The following LRP1B variants were observed in gnomAD, a reference collection of about 807,000 sequenced individuals.
LRP1B encodes the protein low-density lipoprotein receptor-related protein 1B.
Under a neutral mutation model 556.6 loss-of-function variants are expected in LRP1B, and 217 were observed. The ratio of observed to expected loss-of-function variants is 0.39; its 90% CI spans 0.35 to 0.44. The LOEUF is 0.44. Among genes scored for constraint, LRP1B ranks in the 20% least tolerant of loss-of-function variants. LRP1B has a pLI of 1.00. For missense variants in LRP1B, 5,053 were observed against 5,620.8 expected (o/e 0.90, Z 3.23); for synonymous variants, 2,047 against 1,865.8 (o/e 1.10, Z -2.50).
intron 2 of LRP1B, among the ~76,000 whole-genome samples, chr2:141,497,668 A>G (rs1334408547): frequency 1.3e-5 from 2 of 152,058 alleles, no homozygotes; most frequent in Non-Finnish European, 2.9e-5. Context: ...TTGAAAAGCT[A>G]TAAAAATGCT....
At chr2:141,506,268 A>G (rs566756133) in intron 2 of LRP1B, among the ~76,000 whole-genome samples, 4 of 152,146 alleles carry the variant, frequency 2.6e-5, no homozygotes, top group Non-Finnish European at 5.9e-5. Context: ...ATCATTAGTT[A>G]TAAGAAGTCT....
At chr2:141,826,948 T>G (rs1257956291) in intron 1 of LRP1B, among the ~76,000 whole-genome samples, 2 of 152,226 alleles carry the variant, frequency 1.3e-5, no homozygotes, top group African/African-American at 4.8e-5. Context: ...TCTGTCAACC[T>G]GAAACATTTT....
At chr2:141,385,182 T>C (rs1026405216) in intron 3 of LRP1B, among the ~76,000 whole-genome samples, 13 of 152,296 alleles carry the variant, frequency 8.5e-5, no homozygotes, top group African/African-American at 2.9e-4. Flanking sequence ...AAGCCCAATG[T>C]TAACCACTAA....
At chr2:141,387,345 A>G (rs1341247932) in intron 3 of LRP1B, among the ~76,000 whole-genome samples, 5 of 152,068 alleles carry the variant, frequency 3.3e-5, no homozygotes, top group Admixed American at 2.0e-4. Flanking sequence ...CAGATAAATG[A>G]CAGAACATAT....
At chr2:141,144,197 A>G (rs1043799548) in intron 7 of LRP1B, among the ~76,000 whole-genome samples, 1 of 152,224 alleles carries the variant, frequency 6.6e-6, no homozygotes, top group Admixed American at 6.5e-5. Context: ...TAGAGTTAAT[A>G]GTATTTTAGA....
At chr2:141,364,091 C>T (rs975166346) in intron 3 of LRP1B, among the ~76,000 whole-genome samples, 17 of 152,238 alleles carry the variant, frequency 1.1e-4, no homozygotes, top group African/African-American at 4.1e-4. Context: ...GGCAAGTACT[C>T]TTCTGTATGT....
chr2:141,410,785 C>T (rs548903689), intron 3 of LRP1B, among the ~76,000 whole-genome samples: 3 of 152,010 alleles, frequency 2.0e-5, no homozygotes, highest in African/African-American at 7.2e-5. Flanking sequence ...ACATTTTGGC[C>T]TCTATTTCTC....
At position 141,049,198 on chromosome 2, in the gene LRP1B, A is replaced by G; in HGVS notation, c.1577T>C (p.Phe526Ser). 1 of 1,612,822 alleles carries G rather than the reference A, an allele frequency of 6.2e-7. No individual in the cohort carries two copies. Among genetic ancestry groups the G allele is most frequent in the Non-Finnish European group, 8.5e-7 (1 of 1,179,056 alleles). Residue 526 changes from phenylalanine (F) to serine (S), a missense_variant, in exon 11 of 91, where the codon TTT becomes TCT. By Grantham distance (155) the Phe-to-Ser change is radical (BLOSUM62 -2). Around this residue, in one of 5 missense-constraint regions of LRP1B, gnomAD observed 3,619 missense variants for 3,931.9 expected, o/e 0.92. Coordinates refer to ENST00000389484, the MANE Select transcript of LRP1B (RefSeq NM_018557.3). ...AATTCCTGGGCGTCCTTTCCCATAAAAGAGGAACAACTCATTCTTTGGTCC... is the reference window on the plus strand; with the variant it reads ...AATTCCTGGGCGTCCTTTCCCATAAGAGAGGAACAACTCATTCTTTGGTCC... Reference protein sequence around the residue: ...CKRPKNELFLFYGKGRPGIVR... With the variant: ...CKRPKNELFLSYGKGRPGIVR...
intron 3 of LRP1B, among the ~76,000 whole-genome samples, chr2:141,300,541 T>C (rs1686349876): frequency 6.6e-6 from 1 of 152,214 alleles, no homozygotes; most frequent in South Asian, 2.1e-4. Flanking sequence ...ATAGCCTCAA[T>C]GTTGAAGGTG....
At chr2:140,258,557 C>A (rs2104921437) in intron 86 of LRP1B, among the ~76,000 whole-genome samples, 1 of 152,192 alleles carries the variant, frequency 6.6e-6, no homozygotes, top group Admixed American at 6.5e-5. Context: ...CCTAGAAGTT[C>A]AAATTATAGC....
At chr2:141,907,415 A>T (rs536127852) in intron 1 of LRP1B, among the ~76,000 whole-genome samples, 43 of 152,128 alleles carry the variant, frequency 2.8e-4, no homozygotes, top group African/African-American at 9.6e-4. Context: ...TACAGTCATC[A>T]GATTTCTATA....
intron 41 of LRP1B, among the ~76,000 whole-genome samples, chr2:140,672,482 TAAAAAAAA>T (rs55884730): frequency 7.4e-5 from 6 of 81,580 alleles, no homozygotes; most frequent in Non-Finnish European, 1.1e-4. Context: ...AGACTCCATC[TAAAAAAAA>T]AAAAAAAAAA....
At chr2:140,571,520 G>C (rs1441743219) in intron 43 of LRP1B, among the ~76,000 whole-genome samples, 1 of 151,548 alleles carries the variant, frequency 6.6e-6, no homozygotes, top group Non-Finnish European at 1.5e-5. Flanking sequence ...AGGACACCAA[G>C]GTGGAAAGAC....
At chr2:141,218,812 T>C (rs769726372) in intron 6 of LRP1B, among the ~76,000 whole-genome samples, 1 of 152,076 alleles carries the variant, frequency 6.6e-6, no homozygotes, top group Non-Finnish European at 1.5e-5. Flanking sequence ...GATGGCCAGT[T>C]AGAAGCAGCT....
At chr2:140,778,281 G>A (rs918671769) in intron 32 of LRP1B, among the ~76,000 whole-genome samples, 2 of 152,078 alleles carry the variant, frequency 1.3e-5, no homozygotes, top group Admixed American at 6.6e-5. Context: ...GCTATTCAGA[G>A]TTCAATATTT....
intron 7 of LRP1B, among the ~76,000 whole-genome samples, chr2:141,161,008 G>T (rs1221033621): frequency 6.6e-6 from 1 of 152,040 alleles, no homozygotes; most frequent in African/African-American, 2.4e-5. Context: ...AGGGAAAGCA[G>T]AATGAGTGGT....
intron 17 of LRP1B, among the ~76,000 whole-genome samples, chr2:140,987,464 C>G (rs1452710504): frequency 6.6e-6 from 1 of 152,060 alleles, no homozygotes; most frequent in East Asian, 1.9e-4. Flanking sequence ...TTTATTTGCT[C>G]TTATACATAA....
rs1178469364 is a variant in LRP1B at position 140,483,640 on chromosome 2, A to ATTT, written c.9425+1700_9425+1702dup. ...CATATATATATATATATATATATAT[A>ATTT]TTTTTTTTTTTTTTTTTTGAGACAC... On this transcript the variant is annotated intron_variant, in intron 59 of 90. Coordinates refer to ENST00000389484, the MANE Select transcript of LRP1B (RefSeq NM_018557.3). 5.7e-3 allele frequency among the ~76,000 whole-genome samples: 405 copies of ATTT among 70,718 alleles called. 13 individuals are homozygous for ATTT. Among genetic ancestry groups the ATTT allele is most frequent in the African/African-American group, 0.024 (380 of 15,700 alleles). 46.4% of individuals were successfully genotyped at this position (70,718 alleles called of 152,430 possible).
intron 6 of LRP1B, among the ~76,000 whole-genome samples, chr2:141,213,687 G>A (rs1054295230): frequency 6.6e-6 from 1 of 152,178 alleles, no homozygotes; most frequent in Non-Finnish European, 1.5e-5. Context: ...CCTTCTGTTT[G>A]TGTATAACCT....
Sources: gnomAD v4.1 joint callset for allele counts (sites outside exome capture counted in the v4.1 genomes callset) on GRCh38, gnomAD v4.1.1 for gene constraint, gnomAD v4.1.1 regional missense constraint, MANE v1.5 for transcripts, NCBI Gene and HGNC (gene_info 2026-07-23, HGNC 2026-07-21) for gene names.